The following LDLRAD4 variants were observed in gnomAD, a reference collection of about 807,000 sequenced individuals.
The protein encoded by LDLRAD4 is low density lipoprotein receptor class A domain containing 4.
LDLRAD4 carries 5 observed loss-of-function variants against 17.0 expected under a neutral mutation model. The ratio of observed to expected loss-of-function variants is 0.29; its 90% CI spans 0.15 to 0.62. The LOEUF is 0.62. Ranked by LOEUF, LDLRAD4 falls within the 20% of genes least tolerant of loss-of-function variation. LDLRAD4 has a pLI of 0.84. For synonymous variants in LDLRAD4, 168 were observed against 171.8 expected (o/e 0.98, Z 0.17); for missense variants, 340 against 424.7 (o/e 0.80, Z 1.75).
chr18:13,450,772 G>T (rs2091782133), intron 3 of LDLRAD4, among the ~76,000 whole-genome samples: 1 of 152,204 alleles, frequency 6.6e-6, no homozygotes, highest in African/African-American at 2.4e-5. Flanking sequence ...GCTCAGGGAG[G>T]CCACCATCAT....
chr18:13,467,154 A>G (rs1054590441), intron 3 of LDLRAD4, among the ~76,000 whole-genome samples: 2 of 152,248 alleles, frequency 1.3e-5, no homozygotes, highest in Non-Finnish European at 2.9e-5. Context: ...CAGAGCAACT[A>G]GACAAGAAAA....
chr18:13,474,659 G>A (rs927925798), intron 3 of LDLRAD4, among the ~76,000 whole-genome samples: 8 of 152,190 alleles, frequency 5.3e-5, no homozygotes, highest in African/African-American at 1.9e-4. Context: ...AGAGGGAGAG[G>A]GGCCACAGGT....
intron 3 of LDLRAD4, among the ~76,000 whole-genome samples, chr18:13,608,736 G>A (rs2095248417): frequency 1.3e-5 from 2 of 152,208 alleles, no homozygotes; most frequent in South Asian, 4.1e-4. Context: ...CCTGCAGATG[G>A]AACCTGAGAC....
intron 1 of LDLRAD4, among the ~76,000 whole-genome samples, chr18:13,231,914 G>A (rs1410059412): frequency 6.6e-6 from 1 of 152,236 alleles, no homozygotes; most frequent in Non-Finnish European, 1.5e-5. Flanking sequence ...GGAATGTGAT[G>A]CCCAATGGTT....
intron 1 of LDLRAD4, among the ~76,000 whole-genome samples, chr18:13,345,815 A>G (rs2082649977): frequency 6.6e-6 from 1 of 152,074 alleles, no homozygotes; most frequent in African/African-American, 2.4e-5. Context: ...GGGAGGGTGT[A>G]TGTGTCCAGG....
chr18:13,621,381 G>A lies in LDLRAD4; in HGVS notation c.336+110G>A. 1 of 786,498 alleles carries A rather than the reference G, an allele frequency of 1.3e-6. No individual in the cohort carries two copies. The highest frequency in any genetic ancestry group is 2.1e-6 in the Non-Finnish European group (1 of 475,628). 48.7% of individuals were successfully genotyped at this position (786,498 alleles called of 1,614,324 possible). A position where few individuals can be genotyped will look rare whatever the true frequency, so the allele number is the denominator to read the frequency against. On this transcript the variant is annotated intron_variant, in intron 4 of 5. Coordinates refer to ENST00000359446, the Ensembl canonical transcript of LDLRAD4. The surrounding 1 kb of genome is among the most constrained non-coding windows in gnomAD (Gnocchi z 5.5). ...TTTCAGTTGACATGTAACAAACGGG[G>A]CGAAGCGCACCTCGTAAGTGTTCCA...
chr18:13,512,276 G>C (rs2093793935), intron 3 of LDLRAD4, among the ~76,000 whole-genome samples: 1 of 152,144 alleles, frequency 6.6e-6, no homozygotes, highest in Non-Finnish European at 1.5e-5. Context: ...ACCTCCACCA[G>C]AGTCATGATA....
intron 2 of LDLRAD4, among the ~76,000 whole-genome samples, chr18:13,431,043 T>G (rs1049375232): frequency 2.0e-5 from 3 of 152,256 alleles, no homozygotes; most frequent in Admixed American, 6.5e-5. Context: ...GCCTTTAAAA[T>G]TATGAATTTT....
intron 3 of LDLRAD4, among the ~76,000 whole-genome samples, chr18:13,469,948 T>A (rs1438174483): frequency 6.6e-6 from 1 of 152,192 alleles, no homozygotes; most frequent in Non-Finnish European, 1.5e-5. Flanking sequence ...ATAAATCTAA[T>A]AATGATTAAA....
intron 1 of LDLRAD4, among the ~76,000 whole-genome samples, chr18:13,363,057 G>A (rs1263148917): frequency 1.3e-5 from 2 of 152,118 alleles, no homozygotes; most frequent in Non-Finnish European, 2.9e-5. Context: ...GGGACCAGGC[G>A]TGGTGGCTCA....
rs142065037 is a variant in LDLRAD4, at chr18:13,609,079, G to A, written c.182-12038G>A. Among the ~76,000 whole-genome samples the A allele has an allele frequency of 3.2e-4, 49 of 152,330 alleles. 1 individual carries two copies. In the East Asian group the frequency reaches 9.2e-3, roughly 29 times the overall value. On this transcript the variant is annotated intron_variant, in intron 3 of 5. Coordinates refer to ENST00000359446, the Ensembl canonical transcript of LDLRAD4. ...ATCAGAGTACTTACGTGAAAGATGC[G>A]ATGTAAAGATGATGAGGGAGGAGAG... is the stretch of plus-strand genomic sequence containing the variant.
intron 1 of LDLRAD4, among the ~76,000 whole-genome samples, chr18:13,271,280 T>C (rs1021264049): frequency 2.6e-5 from 4 of 152,198 alleles, no homozygotes; most frequent in Admixed American, 2.6e-4. Context: ...GTAACCAAAA[T>C]GATTTCTTGC....
In LDLRAD4 at chr18:13,645,501, C is replaced by T. The variant is rs1369509970; in HGVS notation, c.765C>T (p.Tyr255=). The stretch of plus-strand genomic sequence containing the variant: ...GGATGGAGGGGCCACCCCCCACATA[C>T]AGCGAGGTGATGGGCCACCACCCAG... The change falls in exon 6 of 6, where the codon TAC becomes TAT. Residue 255 remains tyrosine (Y), a synonymous_variant. Coordinates refer to ENST00000359446, the Ensembl canonical transcript of LDLRAD4. The surrounding 1 kb of genome is among the most constrained non-coding windows in gnomAD (Gnocchi z 5.7). 1.2e-6 allele frequency: 2 copies of T among 1,610,606 alleles called. No homozygotes were observed. Among genetic ancestry groups the T allele is most frequent in the East Asian group, 2.2e-5 (1 of 44,862 alleles).
chr18:13,422,888 G>T (rs2089616423), intron 2 of LDLRAD4, among the ~76,000 whole-genome samples: 1 of 152,186 alleles, frequency 6.6e-6, no homozygotes, highest in Non-Finnish European at 1.5e-5. Context: ...CTCAACCTTG[G>T]TGACATGCTC....
At chr18:13,428,792 C>G (rs2090124640) in intron 2 of LDLRAD4, among the ~76,000 whole-genome samples, 1 of 152,042 alleles carries the variant, frequency 6.6e-6, no homozygotes, top group Non-Finnish European at 1.5e-5. Context: ...ATCCCCAGTG[C>G]AGTTTCTGAG....
At chr18:13,392,635 C>T (rs1017062006) in intron 2 of LDLRAD4, among the ~76,000 whole-genome samples, 18 of 152,196 alleles carry the variant, frequency 1.2e-4, no homozygotes, top group Non-Finnish European at 1.9e-4. Flanking sequence ...TCACCGTACA[C>T]ATCCTAAAGA....
intron 1 of LDLRAD4, among the ~76,000 whole-genome samples, chr18:13,259,535 C>T (rs1304266119): frequency 6.6e-6 from 1 of 152,118 alleles, no homozygotes; most frequent in East Asian, 1.9e-4. Context: ...CATCCCACGT[C>T]GGTAGCTCTT....
chr18:13,525,770 CCTTA>C (rs112425853), intron 3 of LDLRAD4, among the ~76,000 whole-genome samples: 4 of 152,314 alleles, frequency 2.6e-5, no homozygotes, highest in Admixed American at 1.3e-4. Context: ...AAACTAAAGC[CCTTA>C]CTTAGCAGAC....
At chr18:13,438,215 G>A (rs1460594722) in intron 2 of LDLRAD4, 29 bp from the exon 4 acceptor site, 1 of 1,608,314 alleles carries the variant, frequency 6.2e-7, no homozygotes, top group South Asian at 1.1e-5. Flanking sequence ...TGCATTGACT[G>A]CTCCATGCTT....
Sources: gnomAD v4.1 joint callset for allele counts (sites outside exome capture counted in the v4.1 genomes callset) on GRCh38, gnomAD v4.1.1 for gene constraint, Gnocchi (gnomAD v3.1) non-coding constraint, MANE v1.5 for transcripts, NCBI Gene and HGNC (gene_info 2026-07-23, HGNC 2026-07-21) for gene names.